The following ITGA9 variants were observed in gnomAD, a reference collection of about 807,000 sequenced individuals.
The protein encoded by ITGA9 is integrin alpha-9.
ITGA9 carries 56 observed loss-of-function variants against 127.8 expected under a neutral mutation model. That is an observed-to-expected ratio of 0.44 (90% CI 0.35 to 0.55). ITGA9 has a LOEUF of 0.55. ITGA9 is among the 20% of genes least tolerant of loss of function. ITGA9 has a pLI of 0.00. For synonymous variants in ITGA9, 508 were observed against 514.5 expected (o/e 0.99, Z 0.17); for missense variants, 1,196 against 1,347.1 (o/e 0.89, Z 1.76).
intron 23 of ITGA9, among the ~76,000 whole-genome samples, chr3:37,757,888 G>C (rs1696673100): frequency 6.6e-6 from 1 of 151,710 alleles, no homozygotes; most frequent in African/African-American, 2.4e-5. Context: ...CCAGAGAGTA[G>C]AAAAAGATAA....
chr3:37,596,173 A>G (rs985335726), intron 15 of ITGA9, among the ~76,000 whole-genome samples: 11 of 152,240 alleles, frequency 7.2e-5, no homozygotes, highest in Admixed American at 7.2e-4. Flanking sequence ...CTCACATGTG[A>G]CATTCTCTTG....
intron 15 of ITGA9, among the ~76,000 whole-genome samples, chr3:37,581,343 A>T (rs943708697): frequency 6.6e-6 from 1 of 152,128 alleles, no homozygotes; most frequent in African/African-American, 2.4e-5. Context: ...AAAGGGAGGG[A>T]AAGAGAACAC....
intron 1 of ITGA9, among the ~76,000 whole-genome samples, chr3:37,461,234 G>A (rs1449852575): frequency 1.3e-5 from 2 of 152,176 alleles, no homozygotes; most frequent in Non-Finnish European, 2.9e-5. Flanking sequence ...ATAAAAGGGG[G>A]CACTGCTGAG....
chr3:37,626,097 A>G (rs542889220), intron 15 of ITGA9, among the ~76,000 whole-genome samples: 1 of 152,344 alleles, frequency 6.6e-6, no homozygotes, highest in Admixed American at 6.5e-5. Context: ...ATTTAGAAAC[A>G]GCCCTTACTT....
At chr3:37,733,266 T>A (rs1696319225) in intron 19 of ITGA9, among the ~76,000 whole-genome samples, 1 of 152,126 alleles carries the variant, frequency 6.6e-6, no homozygotes, top group Non-Finnish European at 1.5e-5. Flanking sequence ...CACTTCATTT[T>A]TAAGAAGAGT....
At chr3:37,718,025 A>G (rs770354269) in intron 18 of ITGA9, among the ~76,000 whole-genome samples, 1 of 152,234 alleles carries the variant, frequency 6.6e-6, no homozygotes, top group Non-Finnish European at 1.5e-5. Flanking sequence ...ATGTGAGATG[A>G]TAAGTGTCTT....
chr3:37,792,774 G>A (rs557657689), intron 26 of ITGA9, among the ~76,000 whole-genome samples: 46 of 152,282 alleles, frequency 3.0e-4, no homozygotes, highest in Non-Finnish European at 6.0e-4. Context: ...ATAAGGAGCT[G>A]GTTAGAAGGC....
chr3:37,697,069 G>A (rs1700892348), intron 18 of ITGA9, among the ~76,000 whole-genome samples: 1 of 152,158 alleles, frequency 6.6e-6, no homozygotes, highest in Admixed American at 6.5e-5. Context: ...GTCACTCAGA[G>A]GCTGCCATGG....
chr3:37,707,826 T>C (rs1701023705), intron 18 of ITGA9, among the ~76,000 whole-genome samples: 2 of 152,208 alleles, frequency 1.3e-5, no homozygotes, highest in African/African-American at 4.8e-5. Flanking sequence ...GTCTGTGGCT[T>C]CTTAGAAAGT....
intron 19 of ITGA9, chr3:37,733,042 G>T: frequency 1.9e-6 from 1 of 517,320 alleles, no homozygotes; most frequent in Non-Finnish European, 3.5e-6. Context: ...ATGTGAAAGT[G>T]AAGGACACAC....
intron 15 of ITGA9, among the ~76,000 whole-genome samples, chr3:37,545,173 C>G (rs1242179626): frequency 2.0e-5 from 3 of 152,148 alleles, no homozygotes; most frequent in Non-Finnish European, 4.4e-5. Flanking sequence ...GATGCAGTCT[C>G]TACTGCAAGT....
intron 1 of ITGA9, among the ~76,000 whole-genome samples, chr3:37,455,253 A>G (rs562483410): frequency 1.3e-5 from 2 of 152,290 alleles, no homozygotes; most frequent in South Asian, 4.1e-4. Context: ...ATTTTCAATT[A>G]TTCGTGATTG....
intron 26 of ITGA9, among the ~76,000 whole-genome samples, chr3:37,795,555 C>CCCT (rs953659313): frequency 2.0e-5 from 3 of 152,112 alleles, no homozygotes; most frequent in Admixed American, 2.0e-4. Context: ...GGCCTGTTTG[C>CCCT]CCTCCTCAAA....
At chr3:37,818,837 A>G (rs1380817475) in intron 27 of ITGA9, 54 bp from the exon 28 acceptor site, 2 of 1,388,402 alleles carry the variant, frequency 1.4e-6, no homozygotes, top group African/African-American at 2.8e-5. Context: ...TGGGGTCACA[A>G]TGGCTGATTC....
intron 18 of ITGA9, among the ~76,000 whole-genome samples, chr3:37,721,587 A>G (rs1310720846): frequency 1.3e-5 from 2 of 152,210 alleles, no homozygotes; most frequent in Non-Finnish European, 2.9e-5. Flanking sequence ...ATGTTTTGAC[A>G]AAATTTCAAG....
intron 22 of ITGA9, among the ~76,000 whole-genome samples, chr3:37,744,820 C>T (rs1334196779): frequency 3.9e-5 from 6 of 152,224 alleles, no homozygotes; most frequent in Admixed American, 6.5e-5. Flanking sequence ...ATTTGAATTT[C>T]GTATAATTTT....
chr3:37,616,441 G>A (rs1700075528), intron 15 of ITGA9, among the ~76,000 whole-genome samples: 1 of 152,200 alleles, frequency 6.6e-6, no homozygotes, highest in African/African-American at 2.4e-5. Flanking sequence ...TGTATATTCT[G>A]TTGATTTGGG....
chr3:37,748,042 AT>A, intron 22 of ITGA9: 1 of 350,504 alleles, frequency 2.9e-6, no homozygotes. Flanking sequence ...ATTTTGGAAC[AT>A]TTCAATCACC....
intron 23 of ITGA9, among the ~76,000 whole-genome samples, chr3:37,775,645 CAAA>C (rs34276307): frequency 1.4e-4 from 18 of 125,666 alleles, no homozygotes; most frequent in Non-Finnish European, 1.9e-4. Flanking sequence ...GACTCCATCT[CAAA>C]AAAAAAAAAA....
Sources: gnomAD v4.1 joint callset for allele counts (sites outside exome capture counted in the v4.1 genomes callset) on GRCh38, gnomAD v4.1.1 for gene constraint, MANE v1.5 for transcripts, NCBI Gene and HGNC (gene_info 2026-07-23, HGNC 2026-07-21) for gene names.